Variants in PFKFB4 observed in about 807,000 individuals in gnomAD.
PFKFB4 encodes 6-phosphofructo-2-kinase/fructose-2,6-biphosphatase 4.
A neutral mutation model predicts 62.8 loss-of-function variants in PFKFB4; 42 were observed. That is an observed-to-expected ratio of 0.67 (90% confidence interval 0.52 to 0.86). The LOEUF (loss-of-function observed/expected upper bound fraction) is 0.86. Ranked by LOEUF, PFKFB4 falls within the 40% of genes least tolerant of loss-of-function variation. The pLI, the probability that PFKFB4 is intolerant of heterozygous loss-of-function variation, is 0.00. For missense variants in PFKFB4, 475 were observed against 627.2 expected, an observed-to-expected ratio of 0.76 and a Z score of 2.59; for synonymous variants, 204 against 240.7, an observed-to-expected ratio of 0.85 and a Z score of 1.41.
chr3:48,553,983 G>A (rs2043234690), intron 1 of PFKFB4, among the ~76,000 whole-genome samples: 1 of 152,140 alleles, frequency 6.6e-6, no homozygotes, highest in Non-Finnish European at 1.5e-5. Flanking sequence ...TCTGAGCTCG[G>A]AGGCCAATGA....
chr3:48,556,261 C>T lies in PFKFB4; in HGVS notation c.97+420G>A. ...GGGCTCAGAGAGGCCAAGTAATTCA[C>T]CTAGGGCCACACAGCTCAGTTCCAG... is the stretch of plus-strand genomic sequence containing the variant. On this transcript the variant is annotated intron_variant, in intron 1 of 13. Transcript: ENST00000232375. This position sits in a 1 kb window ranked among gnomAD's most constrained non-coding sequence, Gnocchi z 5.7. 2.1e-6 allele frequency: 1 copy of T among 476,350 alleles called. No individual in the cohort carries two copies. The highest frequency in any genetic ancestry group is 4.2e-6 in the Non-Finnish European group (1 of 240,352). The allele number at this position is 476,350 out of a possible 1,614,324, so 29.5% of individuals were successfully genotyped here. A position where few individuals can be genotyped will look rare whatever the true frequency, so the allele number is the denominator to read the frequency against.
chr3:48,538,809 G>A (rs924553468), intron 6 of PFKFB4, among the ~76,000 whole-genome samples, 190 bp from the exon 7 acceptor site: 4 of 152,312 alleles, frequency 2.6e-5, no homozygotes, highest in Middle Eastern at 3.4e-3. Flanking sequence ...CCAGTGCCAA[G>A]AGGGTATCAC....
At chr3:48,526,777 A>G (rs2042274328) in intron 9 of PFKFB4, among the ~76,000 whole-genome samples, 1 of 131,106 alleles carries the variant, frequency 7.6e-6, no homozygotes, top group Non-Finnish European at 1.8e-5. Flanking sequence ...CGTCTCTACT[A>G]AAAAAATACA....
chr3:48,549,750 T>A, intron 3 of PFKFB4, 114 bp downstream of exon 3: 1 of 689,034 alleles, frequency 1.5e-6, no homozygotes, highest in Non-Finnish European at 2.7e-6. Context: ...AGCTCAGTCA[T>A]TCACCAGCAG....
chr3:48,550,305 T>TG, intron 1 of PFKFB4, 71 bp from the exon 2 acceptor site: 1 of 983,180 alleles, frequency 1.0e-6, no homozygotes, highest in East Asian at 2.4e-5. Flanking sequence ...TCTCAGCCTG[T>TG]GGTCTCTCAG....
chr3:48,560,785 G>A (rs955277122), upstream of PFKFB4, among the ~76,000 whole-genome samples: 2 of 152,240 alleles, frequency 1.3e-5, no homozygotes, highest in African/African-American at 4.8e-5. Flanking sequence ...AAAGAGCAGA[G>A]CAGGAGGGCC....
chr3:48,553,901 A>G lies in PFKFB4; in HGVS notation c.97+2780T>C, dbSNP rs1178544291. On this transcript the variant is annotated intron_variant, in intron 1 of 13. Transcript: ENST00000232375. ...TGCCACCTTTCAGCTGAGAAAAGCC[A>G]TCAAACACCGTCCTTTCTGCAGTCC... is the stretch of plus-strand genomic sequence containing the variant. Among the ~76,000 whole-genome samples, 3 of 152,152 alleles carry G rather than the reference A, an allele frequency of 2.0e-5. No homozygotes were observed. The South Asian group carries it at 6.2e-4, about 31-fold the overall frequency.
chr3:48,532,306 T>G (rs1258023981), intron 9 of PFKFB4, among the ~76,000 whole-genome samples: 3 of 151,992 alleles, frequency 2.0e-5, no homozygotes, highest in African/African-American at 7.3e-5. Context: ...CGAGATTCCG[T>G]TTCAAAATAA....
intron 9 of PFKFB4, among the ~76,000 whole-genome samples, chr3:48,527,783 G>C (rs1262470090): frequency 1.3e-5 from 2 of 148,584 alleles, no homozygotes; most frequent in East Asian, 2.0e-4. Context: ...TGCCTCCCAT[G>C]TTTAAACAAT....
In PFKFB4 at chr3:48,536,291, C is replaced by G; in HGVS notation, c.805G>C (p.Gly269Arg). The change falls in exon 8 of 14, where the codon GGC becomes CGC. Residue 269 changes from glycine to arginine, a missense_variant. Transcript: ENST00000232375. Reference protein sequence around the residue: ...ESELNLKGRIGGDPGLSPRGR... With the variant: ...ESELNLKGRIRGDPGLSPRGR... ...CGAGGGGACAGTCCTGGGTCCCCGCCAATCCGGCCCTTGAGGTTGAGCTCG... is the reference window on the plus strand; with the variant it reads ...CGAGGGGACAGTCCTGGGTCCCCGCGAATCCGGCCCTTGAGGTTGAGCTCG... 1 of 1,614,140 alleles carries G rather than the reference C, an allele frequency of 6.2e-7. No individual in the cohort carries two copies. Among genetic ancestry groups the G allele is most frequent in the South Asian group, 1.1e-5 (1 of 91,080 alleles).
chr3:48,552,377 G>T (rs2043182754), intron 1 of PFKFB4, among the ~76,000 whole-genome samples: 1 of 152,258 alleles, frequency 6.6e-6, no homozygotes, highest in African/African-American at 2.4e-5. Flanking sequence ...TGCCAGTGGG[G>T]GCTCCATCAC....
At chr3:48,534,604 G>A (rs2042530603) in intron 9 of PFKFB4, among the ~76,000 whole-genome samples, 1 of 151,024 alleles carries the variant, frequency 6.6e-6, no homozygotes, top group Non-Finnish European at 1.5e-5. Context: ...CCAGGAAGTT[G>A]AGGCTACAGT....
At chr3:48,549,498 T>A (rs1216981393) in intron 3 of PFKFB4, among the ~76,000 whole-genome samples, 1 of 151,258 alleles carries the variant, frequency 6.6e-6, no homozygotes, top group East Asian at 1.9e-4. Context: ...AGGCAGCAGC[T>A]CCAACGACCT....
upstream of PFKFB4, chr3:48,559,799 C>G (rs766223919): frequency 3.3e-4 from 116 of 350,742 alleles, no homozygotes; most frequent in Non-Finnish European, 5.3e-4. Context: ...TCCCAGTGTC[C>G]CAGCCTAGAA....
intron 9 of PFKFB4, among the ~76,000 whole-genome samples, chr3:48,526,456 C>G (rs956295995): frequency 6.6e-6 from 1 of 151,380 alleles, no homozygotes; most frequent in Non-Finnish European, 1.5e-5. Flanking sequence ...GCCTGTAGTC[C>G]CAGCTACTCA....
chr3:48,553,120 G>A (rs978942834), intron 1 of PFKFB4, among the ~76,000 whole-genome samples: 4 of 152,196 alleles, frequency 2.6e-5, no homozygotes, highest in South Asian at 2.1e-4. Flanking sequence ...CTGGGTGCAC[G>A]GCTGCACCTG....
At chr3:48,562,781 C>T (rs768595692), upstream of PFKFB4, 57 of 1,541,020 alleles carry the variant, frequency 3.7e-5, no homozygotes, top group Non-Finnish European at 4.9e-5. This position sits in a 1 kb window ranked among gnomAD's most constrained non-coding sequence, Gnocchi z 4.3. Context: ...CCCCCTCTCT[C>T]AGGCTCAGCA....
upstream of PFKFB4, chr3:48,557,115 A>C: frequency 2.2e-6 from 1 of 457,820 alleles, no homozygotes; most frequent in Non-Finnish European, 3.3e-6. Context: ...CCGGATGCGC[A>C]AACTCAGCTC....
intron 1 of PFKFB4, among the ~76,000 whole-genome samples, chr3:48,555,594 C>G: frequency 6.6e-6 from 1 of 152,180 alleles, no homozygotes; most frequent in Non-Finnish European, 1.5e-5. Context: ...ACAAATCTTT[C>G]TTTTCCTGGT....
Sources: gnomAD v4.1 joint callset for allele counts (sites outside exome capture counted in the v4.1 genomes callset) on GRCh38, gnomAD v4.1.1 for gene constraint, Gnocchi (gnomAD v3.1) non-coding constraint, MANE v1.5 for transcripts, NCBI Gene and HGNC (gene_info 2026-07-23, HGNC 2026-07-21) for gene names.